AATF: variants seen among roughly 807,000 people sequenced by gnomAD.
AATF encodes apoptosis antagonizing transcription factor.
Under a neutral mutation model 63.7 loss-of-function variants are expected in AATF, and 48 were observed. That is an observed-to-expected ratio of 0.75 (90% CI 0.60 to 0.96). The LOEUF (loss-of-function observed/expected upper bound fraction) is 0.96, where lower values mean the gene tolerates loss of function less well. Ranked by LOEUF, AATF falls within the 40% of genes least tolerant of loss-of-function variation. The pLI is 0.00. For synonymous variants in AATF, 258 were observed against 247.7 expected, an observed-to-expected ratio of 1.04 and a Z score of -0.39; for missense variants, 639 against 685.7, an observed-to-expected ratio of 0.93 and a Z score of 0.76.
At chr17:37,003,118 T>C (rs867294816) in intron 8 of AATF, among the ~76,000 whole-genome samples, 7 of 152,202 alleles carry the variant, frequency 4.6e-5, no homozygotes, top group East Asian at 1.9e-4. Context: ...CAATGGAATA[T>C]AATTGAGAGT....
chr17:37,016,084 A>G (rs989354084), intron 8 of AATF, among the ~76,000 whole-genome samples: 5 of 152,136 alleles, frequency 3.3e-5, no homozygotes, highest in African/African-American at 7.2e-5. Flanking sequence ...GCCTAATACA[A>G]TTAGCTTCAT....
intron 8 of AATF, among the ~76,000 whole-genome samples, chr17:37,015,303 C>T (rs2071420899): frequency 6.6e-6 from 1 of 152,138 alleles, no homozygotes; most frequent in African/African-American, 2.4e-5. Flanking sequence ...TTTGTTTGTG[C>T]TGCTATAGTA....
intron 4 of AATF, among the ~76,000 whole-genome samples, chr17:36,966,349 C>CA (rs1407802276): frequency 2.6e-5 from 4 of 152,222 alleles, no homozygotes; most frequent in African/African-American, 7.2e-5. Context: ...ACTGCAGGCT[C>CA]AGACTCCTGG....
chr17:37,018,718 A>G lies in AATF; in HGVS notation c.1399-287A>G, dbSNP rs1034225644. On this transcript the variant is annotated intron_variant, in intron 8 of 11. Transcript: ENST00000619387. ...AGTGGACAAAACTAATCATAAAAAT[A>G]ATGAAGGGAATGTTGCATACTCATT... is the stretch of plus-strand genomic sequence containing the variant. Among the ~76,000 whole-genome samples, 7 of 152,206 alleles carry G rather than the reference A, an allele frequency of 4.6e-5. No homozygotes were observed. In the East Asian group the frequency reaches 1.3e-3, roughly 29 times the overall value.
In AATF at chr17:36,988,684, C is replaced by A. The variant is rs199883001; in HGVS notation, c.1113C>A (p.His371Gln). 4.4e-4 allele frequency: 717 copies of A among 1,613,906 alleles called. 6 individuals are homozygous for A. The South Asian group carries it at 5.6e-3, about 13-fold the overall frequency. The change falls in exon 6 of 12, where the codon CAC becomes CAA. Residue 371 changes from histidine (H) to glutamine (Q), a missense_variant. By Grantham distance (24) the His-to-Gln change is conservative. Transcript: ENST00000619387. ...GGAACCGCACACTTCAGAAATGGCACGATAAGACCAAACTGGCTTCTGGAA... is the reference window on the plus strand; with the variant it reads ...GGAACCGCACACTTCAGAAATGGCAAGATAAGACCAAACTGGCTTCTGGAA... Reference protein sequence around the residue: ...VYRNRTLQKWHDKTKLASGKL... With the variant: ...VYRNRTLQKWQDKTKLASGKL...
intron 10 of AATF, among the ~76,000 whole-genome samples, chr17:37,027,886 C>T (rs531872419): frequency 4.5e-4 from 69 of 152,172 alleles, no homozygotes; most frequent in Non-Finnish European, 8.2e-4. Context: ...GAATTAAAGC[C>T]GTCTCTGGAC....
intron 4 of AATF, among the ~76,000 whole-genome samples, chr17:36,981,707 T>C (rs1385146344): frequency 3.4e-5 from 5 of 145,284 alleles, no homozygotes; most frequent in Non-Finnish European, 7.6e-5. Flanking sequence ...CTTTTCTTTT[T>C]TTTTTTTTTT....
chr17:36,972,686 T>C (rs371959057), intron 4 of AATF, among the ~76,000 whole-genome samples: 1 of 149,010 alleles, frequency 6.7e-6, no homozygotes, highest in Non-Finnish European at 1.5e-5. Flanking sequence ...TTTTTTTTTT[T>C]CCTAATGCAA....
intron 4 of AATF, among the ~76,000 whole-genome samples, chr17:36,974,591 C>T (rs756710029): frequency 6.6e-6 from 1 of 152,182 alleles, no homozygotes; most frequent in Non-Finnish European, 1.5e-5. Context: ...TGTATTTGTA[C>T]ATGCTCACCT....
chr17:37,051,387 A>C (rs955167345), intron 11 of AATF: 1 of 152,232 alleles, frequency 6.6e-6, no homozygotes, highest in Non-Finnish European at 1.5e-5. Context: ...AAAGCCCCAC[A>C]CAGATTATTT....
At chr17:37,021,191 T>C (rs1056801542) in intron 10 of AATF, 177 bp downstream of exon 10, 66 of 502,914 alleles carry the variant, frequency 1.3e-4, no homozygotes, top group Non-Finnish European at 1.9e-4. Flanking sequence ...AAAATGGAAA[T>C]ATAGTTTCAT....
chr17:37,029,239 T>C (rs904645864), intron 10 of AATF, among the ~76,000 whole-genome samples: 13 of 150,958 alleles, frequency 8.6e-5, no homozygotes, highest in African/African-American at 3.2e-4. Context: ...TCTTACTTTT[T>C]TATTTTACTT....
chr17:36,954,970 TATAG>T (rs2070887556), intron 4 of AATF, among the ~76,000 whole-genome samples: 1 of 152,210 alleles, frequency 6.6e-6, no homozygotes, highest in African/African-American at 2.4e-5. Flanking sequence ...TATCCATAGA[TATAG>T]ATATATATGT....
At chr17:37,047,807 A>G (rs1159712784) in intron 11 of AATF, among the ~76,000 whole-genome samples, 5 of 152,166 alleles carry the variant, frequency 3.3e-5, no homozygotes, top group Non-Finnish European at 7.4e-5. Flanking sequence ...GGCTGGGTCC[A>G]CTTGGAAACG....
At chr17:37,031,151 C>T (rs2071548728) in intron 10 of AATF, among the ~76,000 whole-genome samples, 1 of 152,012 alleles carries the variant, frequency 6.6e-6, no homozygotes. Context: ...TTCAACCAAC[C>T]ACAGATTGAA....
intron 9 of AATF, 28 bp downstream of exon 9, chr17:37,019,100 G>T (rs367732797): frequency 7.0e-5 from 112 of 1,588,954 alleles, no homozygotes; most frequent in Non-Finnish European, 8.2e-5. Flanking sequence ...TTCTGTTCAT[G>T]CAAGCAGCCT....
Position 36,951,507 on chromosome 17 carries a change from A to G in AATF, c.283+1102A>G, listed in dbSNP as rs550083199. ...ATAAAAAATTATCACCATTATCACT[A>G]CATGTGTCACCTAATTTAATCCTCC... On this transcript the variant is annotated intron_variant, in intron 2 of 11. Coordinates refer to ENST00000619387, the MANE Select transcript of AATF (RefSeq NM_012138.4). 3.1e-4 allele frequency among the ~76,000 whole-genome samples: 47 copies of G among 152,316 alleles called. 2 individuals are homozygous for G. The South Asian group carries it at 9.7e-3, about 32-fold the overall frequency.
intron 4 of AATF, among the ~76,000 whole-genome samples, chr17:36,983,537 G>C (rs1056311551): frequency 6.6e-6 from 1 of 152,024 alleles, no homozygotes; most frequent in Non-Finnish European, 1.5e-5. Context: ...TTTTAGTAGA[G>C]ACAGGGTTTC....
chr17:36,971,898 G>A (rs2071042062), intron 4 of AATF, among the ~76,000 whole-genome samples: 1 of 152,142 alleles, frequency 6.6e-6, no homozygotes, highest in South Asian at 2.1e-4. Context: ...ATGGGAGAAA[G>A]GTCCGAGTGC....
Sources: allele counts gnomAD v4.1 joint callset (sites outside exome capture counted in the v4.1 genomes callset), GRCh38; gene constraint gnomAD v4.1.1; transcripts MANE v1.5; gene names NCBI Gene and HGNC (gene_info 2026-07-23, HGNC 2026-07-21).